The following XPO4 variants were observed in gnomAD, a reference collection of about 807,000 sequenced individuals.
The protein encoded by XPO4 is exportin-4.
In XPO4, 39 loss-of-function variants were observed where a neutral mutation model predicts 143.0. The observed-to-expected ratio is 0.27, with a 90% CI of 0.21 to 0.36. The LOEUF (loss-of-function observed/expected upper bound fraction) is 0.36, where lower values mean the gene tolerates loss of function less well. Ranked by LOEUF, XPO4 falls within the 10% of genes least tolerant of loss-of-function variation. The pLI, the probability that XPO4 is intolerant of heterozygous loss-of-function variation, is 1.00. For missense variants in XPO4, 907 were observed against 1,348.0 expected, an observed-to-expected ratio of 0.67 and a Z score of 5.12; for synonymous variants, 439 against 474.0, an observed-to-expected ratio of 0.93 and a Z score of 0.96.
At chr13:20,839,276 G>T (rs1364417649) in intron 6 of XPO4, among the ~76,000 whole-genome samples, 4 of 152,100 alleles carry the variant, frequency 2.6e-5, no homozygotes, top group African/African-American at 9.7e-5. Flanking sequence ...AAAGAAGCCA[G>T]TCACAAAGGA....
At chr13:20,811,507 C>T (rs575995290) in intron 9 of XPO4, among the ~76,000 whole-genome samples, 6 of 152,054 alleles carry the variant, frequency 3.9e-5, no homozygotes, top group Non-Finnish European at 8.8e-5. Context: ...AGGATGGTCT[C>T]GAACTCCTGG....
intron 20 of XPO4, among the ~76,000 whole-genome samples, 183 bp downstream of exon 20, chr13:20,788,303 C>CG (rs1163312127): frequency 2.0e-5 from 3 of 152,134 alleles, no homozygotes; most frequent in Non-Finnish European, 4.4e-5. Context: ...GTGATCCACC[C>CG]GCCTCGGCCT....
Position 20,852,574 on chromosome 13 carries a change from A to G in XPO4, c.456+3053T>C, listed in dbSNP as rs1199380966. 8 of 981,038 alleles carry G rather than the reference A, an allele frequency of 8.2e-6. No homozygotes were observed. The African/African-American group carries it at 1.2e-4, about 15-fold the overall frequency. The allele number at this position is 981,038 out of a possible 1,614,324, so 60.8% of individuals were successfully genotyped here. ...CAGCATCTCATGAACAAATCTTATAATATTTGGTAATATTATATTTGGTAT... is the reference window on the plus strand; with the variant it reads ...CAGCATCTCATGAACAAATCTTATAGTATTTGGTAATATTATATTTGGTAT... On this transcript the variant is annotated intron_variant, in intron 4 of 22. Coordinates refer to ENST00000255305, the MANE Select transcript of XPO4 (RefSeq NM_022459.5).
At chr13:20,870,657 G>T (rs2060287703) in intron 1 of XPO4, among the ~76,000 whole-genome samples, 1 of 151,340 alleles carries the variant, frequency 6.6e-6, no homozygotes, top group Non-Finnish European at 1.5e-5. Context: ...TTGAACGCAG[G>T]AGGCAGAGGT....
intron 6 of XPO4, among the ~76,000 whole-genome samples, chr13:20,837,530 C>G (rs2059930200): frequency 6.6e-6 from 1 of 152,166 alleles, no homozygotes; most frequent in East Asian, 1.9e-4. Flanking sequence ...CTCAGCCTCC[C>G]AAATAATTGG....
At chr13:20,864,886 A>G (rs56250203) in intron 2 of XPO4, among the ~76,000 whole-genome samples, 8,777 of 151,870 alleles carry the variant, frequency 0.058, 737 homozygotes, top group African/African-American at 0.18. Flanking sequence ...AAAAAAAAAA[A>G]GCCAAATTCC....
Position 20,786,013 on chromosome 13 carries a change from A to AGGAAGGAT in XPO4, c.3258+951_3258+952insATCCTTCC, listed in dbSNP as rs1432648879. On this transcript the variant is annotated intron_variant, in intron 22 of 22. Coordinates refer to ENST00000255305, the MANE Select transcript of XPO4 (RefSeq NM_022459.5). ...AAGGAAGGAAGGAAGGAAGGAAGGA[A>AGGAAGGAT]GGATCAGACAAGACGACTACCTTGC... Among the ~76,000 whole-genome samples the AGGAAGGAT allele has an allele frequency of 7.7e-4, 111 of 144,730 alleles. 1 individual carries two copies. Among genetic ancestry groups the AGGAAGGAT allele is most frequent in the African/African-American group, 2.1e-3 (85 of 40,206 alleles). The allele number at this position is 144,730 out of a possible 152,430, so 94.9% of individuals were successfully genotyped here.
chr13:20,830,574 G>A (rs2059840529), intron 6 of XPO4, among the ~76,000 whole-genome samples: 1 of 151,938 alleles, frequency 6.6e-6, no homozygotes, highest in African/African-American at 2.4e-5. Context: ...TTACAATCCT[G>A]TAACTACAAA....
intron 7 of XPO4, among the ~76,000 whole-genome samples, chr13:20,825,695 T>C (rs981080685): frequency 6.6e-6 from 1 of 152,166 alleles, no homozygotes; most frequent in African/African-American, 2.4e-5. Context: ...ATACAAAGAC[T>C]TGGACTTGGA....
At chr13:20,825,579 T>C (rs956987157) in intron 7 of XPO4, among the ~76,000 whole-genome samples, 11 of 152,214 alleles carry the variant, frequency 7.2e-5, no homozygotes, top group African/African-American at 2.7e-4. Flanking sequence ...GTCTGGTTTG[T>C]CTAGACAGCT....
chr13:20,833,685 G>A (rs2059879846), intron 6 of XPO4, among the ~76,000 whole-genome samples: 2 of 140,040 alleles, frequency 1.4e-5, no homozygotes, highest in Non-Finnish European at 3.0e-5. Flanking sequence ...TGAGAAGGGA[G>A]CCAAATGGGG....
chr13:20,786,605 T>C (rs2059209795), intron 22 of XPO4, among the ~76,000 whole-genome samples: 1 of 152,170 alleles, frequency 6.6e-6, no homozygotes, highest in South Asian at 2.1e-4. Context: ...GACTCTTCCT[T>C]GTCTGCCATC....
chr13:20,820,500 T>C lies in XPO4; in HGVS notation c.1173+1204A>G, dbSNP rs557165564. Among the ~76,000 whole-genome samples, 6 of 152,344 alleles carry C rather than the reference T, an allele frequency of 3.9e-5. 1 individual carries two copies. The South Asian group carries it at 1.0e-3, about 26-fold the overall frequency. Reference sequence around the variant, plus strand: ...GGAGAGGGAAAGTGCAAGGAATTCATGTTAAATAAAACCTGACTAGTTCAG... The same window carrying C: ...GGAGAGGGAAAGTGCAAGGAATTCACGTTAAATAAAACCTGACTAGTTCAG... On this transcript the variant is annotated intron_variant, in intron 9 of 22. Transcript: ENST00000255305.
rs1479446179 is a variant in XPO4, at chr13:20,782,659, T to TA, written c.*1062dup. The TA allele has an allele frequency of 6.6e-6, 1 of 152,656 alleles. No homozygotes were observed. Among genetic ancestry groups the TA allele is most frequent in the South Asian group, 2.1e-4 (1 of 4,820 alleles). The allele number at this position is 152,656 out of a possible 1,614,324, so 9.5% of individuals were successfully genotyped here. Reference sequence around the variant, plus strand: ...CTGGATAGAAACACACTCAAAAAGTTAGACTAGACGGAAACAAGCCTTTCA... The same window carrying TA: ...CTGGATAGAAACACACTCAAAAAGTTAAGACTAGACGGAAACAAGCCTTTCA... On this transcript the variant is annotated 3_prime_UTR_variant, in exon 23 of 23. Transcript: ENST00000255305.
At chr13:20,788,366 T>G in intron 20 of XPO4, 120 bp downstream of exon 20, 1 of 1,388,090 alleles carries the variant, frequency 7.2e-7, no homozygotes, top group Non-Finnish European at 9.6e-7. Flanking sequence ...CCAGGGTTTT[T>G]TAAGAAATAA....
chr13:20,851,728 A>G, intron 4 of XPO4: 1 of 916,982 alleles, frequency 1.1e-6, no homozygotes, highest in Non-Finnish European at 1.3e-6. Flanking sequence ...AAAAAAAAAA[A>G]AAGAAAGAAA....
chr13:20,865,470 T>C, intron 2 of XPO4: 1 of 985,370 alleles, frequency 1.0e-6, no homozygotes, highest in South Asian at 4.7e-5. Flanking sequence ...TCTGGGAAGA[T>C]CTGCCACTGA....
intron 3 of XPO4, among the ~76,000 whole-genome samples, chr13:20,858,310 G>C (rs552038734): frequency 6.6e-6 from 1 of 152,164 alleles, no homozygotes; most frequent in African/African-American, 2.4e-5. Context: ...AGAATTGTTA[G>C]ATCATATAAA....
Position 20,876,881 on chromosome 13 carries a change from G to A in XPO4, c.70-8180C>T, listed in dbSNP as rs755660984. Among the ~76,000 whole-genome samples, 16 of 152,306 alleles carry A rather than the reference G, an allele frequency of 1.1e-4. No homozygotes were observed. In the East Asian group the frequency reaches 1.5e-3, roughly 15 times the overall value. ...AAAGAAAGAACAAAACTTCCACATC[G>A]TGTAAGGGGACCCAAGCAGGTTGCC... is the stretch of plus-strand genomic sequence containing the variant. On this transcript the variant is annotated intron_variant, in intron 1 of 22. Transcript: ENST00000255305.
Sources: gnomAD v4.1 joint callset for allele counts (sites outside exome capture counted in the v4.1 genomes callset) on GRCh38, gnomAD v4.1.1 for gene constraint, MANE v1.5 for transcripts, NCBI Gene and HGNC (gene_info 2026-07-23, HGNC 2026-07-21) for gene names.